The following UTRN variants were observed in gnomAD, a reference collection of about 807,000 sequenced individuals.
UTRN encodes dystrophin-related protein 1.
In UTRN, 283 loss-of-function variants were observed where a neutral mutation model predicts 463.9. That is an observed-to-expected ratio of 0.61 (90% confidence interval 0.55 to 0.67). The LOEUF (loss-of-function observed/expected upper bound fraction) is 0.67, where lower values mean the gene tolerates loss of function less well. Among genes scored for constraint, UTRN ranks in the 30% least tolerant of loss-of-function variants. UTRN has a pLI of 0.00. For synonymous variants in UTRN, 1,442 were observed against 1,431.5 expected, an observed-to-expected ratio of 1.01 and a Z score of -0.17; for missense variants, 3,922 against 4,084.3, an observed-to-expected ratio of 0.96 and a Z score of 1.08.
At chr6:144,792,881 C>G (rs1040327054) in intron 62 of UTRN, among the ~76,000 whole-genome samples, 1 of 151,650 alleles carries the variant, frequency 6.6e-6, no homozygotes, top group Non-Finnish European at 1.5e-5. Flanking sequence ...AAAGGTAAAC[C>G]AAGAGTGGAC....
rs1791434436 is a variant in UTRN, at chr6:144,751,829, A to C, written c.8232A>C (p.Pro2744=). ...KIMAFREEIA[P]INFKVKTVND... is the part of the protein sequence containing the mutation. ...AGGCATTTAGAGAAGAAATTGCACC[A>C]ATCAACTTTAAAGTTAAAACGGTGA... is the stretch of plus-strand genomic sequence containing the variant. The change falls in exon 56 of 75, where the codon CCA becomes CCC. Residue 2744 remains proline, a synonymous_variant. Transcript: ENST00000367545. The C allele has an allele frequency of 1.2e-6, 2 of 1,608,262 alleles. No individual in the cohort carries two copies. Among genetic ancestry groups the C allele is most frequent in the East Asian group, 2.2e-5 (1 of 44,632 alleles).
At chr6:144,356,831 G>GAATA (rs971287198) in intron 2 of UTRN, among the ~76,000 whole-genome samples, 3 of 150,168 alleles carry the variant, frequency 2.0e-5, no homozygotes, top group Admixed American at 6.7e-5. Context: ...TCTAAAATAT[G>GAATA]AATAAATAAA....
chr6:144,450,969 T>C (rs1788223195), intron 17 of UTRN, among the ~76,000 whole-genome samples: 1 of 151,928 alleles, frequency 6.6e-6, no homozygotes, highest in Admixed American at 6.6e-5. Context: ...AAAAATTAGC[T>C]GGGTGTGGTG....
chr6:144,638,210 A>G (rs1777387845), intron 51 of UTRN, among the ~76,000 whole-genome samples: 1 of 152,252 alleles, frequency 6.6e-6, no homozygotes, highest in Non-Finnish European at 1.5e-5. Flanking sequence ...TCTAGTTGAA[A>G]CATTTGAAAC....
chr6:144,414,259 G>T (rs1353331633), intron 3 of UTRN, among the ~76,000 whole-genome samples: 1 of 152,170 alleles, frequency 6.6e-6, no homozygotes, highest in Non-Finnish European at 1.5e-5. Context: ...CTTCCAGTGG[G>T]ACAAGATCTG....
At chr6:144,501,150 G>A (rs552431568) in intron 34 of UTRN, among the ~76,000 whole-genome samples, 14 of 152,198 alleles carry the variant, frequency 9.2e-5, no homozygotes, top group Non-Finnish European at 1.8e-4. Flanking sequence ...CATGAAAAGC[G>A]TGATCATGCC....
rs1321904387 is a variant in UTRN at position 144,286,902 on chromosome 6, A to T, written c.-93+1081A>T. ...CTTTCCCAGCCTTCAGGTCAGCCGG[A>T]TCACCAGGGCCTTGCGGGCCAGTTC... On this transcript the variant is annotated intron_variant, in intron 1 of 74. Coordinates refer to ENST00000367545, the MANE Select transcript of UTRN (RefSeq NM_007124.3). The surrounding 1 kb of genome is among the most constrained non-coding windows in gnomAD (Gnocchi z 4.4). 6.6e-6 allele frequency among the ~76,000 whole-genome samples: 1 copy of T among 152,244 alleles called. No individual in the cohort carries two copies. Among genetic ancestry groups the T allele is most frequent in the East Asian group, 1.9e-4 (1 of 5,176 alleles).
intron 45 of UTRN, among the ~76,000 whole-genome samples, chr6:144,540,360 C>G (rs1313245679): frequency 2.6e-5 from 4 of 152,102 alleles, no homozygotes; most frequent in Admixed American, 2.6e-4. Flanking sequence ...TTTGGATGGA[C>G]TCCATATCAG....
intron 4 of UTRN, among the ~76,000 whole-genome samples, chr6:144,423,089 A>G (rs1784981569): frequency 1.3e-5 from 2 of 152,218 alleles, no homozygotes; most frequent in South Asian, 2.1e-4. Context: ...ACATCTGTGC[A>G]GAATAAAGAG....
intron 60 of UTRN, among the ~76,000 whole-genome samples, chr6:144,777,495 A>C (rs1775434425): frequency 6.6e-6 from 1 of 152,218 alleles, no homozygotes; most frequent in Non-Finnish European, 1.5e-5. Flanking sequence ...AGAGGATGTA[A>C]TTAGGCAGGA....
At chr6:144,422,917 T>C (rs1295281649) in intron 4 of UTRN, among the ~76,000 whole-genome samples, 7 of 152,168 alleles carry the variant, frequency 4.6e-5, no homozygotes, top group Admixed American at 4.6e-4. Flanking sequence ...TAGACAACTG[T>C]TAGACAGGCT....
At chr6:144,631,543 A>G (rs1776522903) in intron 51 of UTRN, among the ~76,000 whole-genome samples, 1 of 152,210 alleles carries the variant, frequency 6.6e-6, no homozygotes, top group Non-Finnish European at 1.5e-5. Context: ...TGTGAGGGAA[A>G]GGAGTAGCAG....
intron 2 of UTRN, among the ~76,000 whole-genome samples, chr6:144,355,674 A>G (rs1778487408): frequency 6.6e-6 from 1 of 152,204 alleles, no homozygotes; most frequent in Admixed American, 6.5e-5. Flanking sequence ...CATTTATAGA[A>G]AAGTTGCAAA....
intron 65 of UTRN, among the ~76,000 whole-genome samples, chr6:144,803,650 G>C (rs1777895363): frequency 6.6e-6 from 1 of 151,732 alleles, no homozygotes; most frequent in Non-Finnish European, 1.5e-5. Context: ...TCGTCACACA[G>C]TGTAATTTTT....
intron 2 of UTRN, among the ~76,000 whole-genome samples, chr6:144,329,241 C>A (rs1776180627): frequency 6.6e-6 from 1 of 152,082 alleles, no homozygotes; most frequent in Non-Finnish European, 1.5e-5. Flanking sequence ...CGCCATCATG[C>A]CCAGCTAATT....
At chr6:144,704,362 T>C (rs999955762) in intron 53 of UTRN, among the ~76,000 whole-genome samples, 11 of 152,252 alleles carry the variant, frequency 7.2e-5, no homozygotes, top group African/African-American at 2.7e-4. Context: ...ACTAATATTT[T>C]AGTGTATAAT....
intron 53 of UTRN, among the ~76,000 whole-genome samples, chr6:144,720,234 T>G (rs1166773849): frequency 2.6e-5 from 4 of 152,254 alleles, no homozygotes; most frequent in African/African-American, 4.8e-5. Context: ...ATTTCTGCCC[T>G]AAGCCACGCC....
intron 50 of UTRN, among the ~76,000 whole-genome samples, chr6:144,574,573 T>G (rs4615409): frequency 0.19 from 28,520 of 151,620 alleles, 2,804 homozygotes; most frequent in South Asian, 0.31. Flanking sequence ...CATATGGTGG[T>G]TTTTTTTGTT....
At chr6:144,507,050 C>G (rs116853034) in intron 34 of UTRN, among the ~76,000 whole-genome samples, 1 of 151,756 alleles carries the variant, frequency 6.6e-6, no homozygotes, top group African/African-American at 2.4e-5. Context: ...TCCGCTTGAT[C>G]GATTCAGCTA....
Sources: allele counts gnomAD v4.1 joint callset (sites outside exome capture counted in the v4.1 genomes callset), GRCh38; gene constraint gnomAD v4.1.1; non-coding constraint Gnocchi (gnomAD v3.1); transcripts MANE v1.5; gene names NCBI Gene and HGNC (gene_info 2026-07-23, HGNC 2026-07-21).